PLEKHG1: variants seen among roughly 807,000 people sequenced by gnomAD.
The protein encoded by PLEKHG1 is pleckstrin homology domain-containing family G member 1.
PLEKHG1 carries 44 observed loss-of-function variants against 100.8 expected under a neutral mutation model. The ratio of observed to expected loss-of-function variants is 0.44; its 90% CI spans 0.34 to 0.56. PLEKHG1 has a LOEUF of 0.56. Among genes scored for constraint, PLEKHG1 ranks in the 20% least tolerant of loss-of-function variants. The probability of loss-of-function intolerance (pLI) is 0.01; values close to 1 mark genes in which losing one functional copy is unlikely to be tolerated. For synonymous variants in PLEKHG1, 640 were observed against 662.5 expected (o/e 0.97, Z 0.52); for missense variants, 1,545 against 1,720.9 (o/e 0.90, Z 1.81).
rs576814162 is a variant in PLEKHG1, at chr6:150,609,312, G to A, written c.-204+9295G>A. Among the ~76,000 whole-genome samples, 13 of 152,264 alleles carry A rather than the reference G, an allele frequency of 8.5e-5. No homozygotes were observed. The South Asian group carries it at 1.7e-3, about 19-fold the overall frequency. On this transcript the variant is annotated intron_variant, in intron 1 of 3. Transcript: ENST00000367326. ...AAAATTACACAGGGAAATGGGGTGGGGCATTGTATTTGCTTGGGTGGTCAG... is the reference window on the plus strand; with the variant it reads ...AAAATTACACAGGGAAATGGGGTGGAGCATTGTATTTGCTTGGGTGGTCAG...
At chr6:150,725,097 G>C (rs1454696314) in intron 1 of PLEKHG1, among the ~76,000 whole-genome samples, 1 of 152,218 alleles carries the variant, frequency 6.6e-6, no homozygotes, top group African/African-American at 2.4e-5. Context: ...CACAGTTCCA[G>C]AGAGTGGGAA....
chr6:150,773,801 TTTACA>T (rs1562505962), intron 3 of PLEKHG1, among the ~76,000 whole-genome samples: 3 of 152,336 alleles, frequency 2.0e-5, no homozygotes, highest in South Asian at 4.1e-4. Context: ...AATTGACATC[TTTACA>T]TTACTGTCAT....
chr6:150,839,488 T>C (rs1329642046), intron 15 of PLEKHG1, among the ~76,000 whole-genome samples: 1 of 152,172 alleles, frequency 6.6e-6, no homozygotes, highest in Non-Finnish European at 1.5e-5. Context: ...TTTCTTACTT[T>C]TATGATGCAT....
chr6:150,725,887 A>G (rs1478739721), intron 1 of PLEKHG1, among the ~76,000 whole-genome samples: 3 of 152,080 alleles, frequency 2.0e-5, no homozygotes, highest in East Asian at 3.9e-4. Context: ...TGCATGTGAT[A>G]TAAGAACATG....
chr6:150,615,495 G>A (rs935807089), intron 1 of PLEKHG1, among the ~76,000 whole-genome samples: 3 of 152,060 alleles, frequency 2.0e-5, no homozygotes, highest in African/African-American at 7.2e-5. Flanking sequence ...CTGGCACCTG[G>A]TTTATTTCTC....
chr6:150,667,450 C>A (rs999344737), intron 3 of PLEKHG1, among the ~76,000 whole-genome samples: 14 of 152,130 alleles, frequency 9.2e-5, no homozygotes, highest in African/African-American at 3.4e-4. Context: ...CTTAATATGA[C>A]ACTAAAATGG....
At chr6:150,661,103 T>C (rs1779171597) in intron 3 of PLEKHG1, among the ~76,000 whole-genome samples, 2 of 152,156 alleles carry the variant, frequency 1.3e-5, no homozygotes, top group Admixed American at 1.3e-4. Context: ...ATAGAATGCA[T>C]GGTTCTGTGA....
At chr6:150,804,204 C>G (rs59599487) in intron 6 of PLEKHG1, among the ~76,000 whole-genome samples, 2,958 of 29,342 alleles carry the variant, frequency 0.1, 143 homozygotes, top group East Asian at 0.3. Context: ...TTTTTTTTTT[C>G]GAGGCAGAGT....
chr6:150,615,956 A>G lies in PLEKHG1; in HGVS notation c.-204+15939A>G, dbSNP rs529619340. ...ATATGTTTACTAATTTCATGCTCAC[A>G]AGAACTTTGAATATATGCAGTTATT... On this transcript the variant is annotated intron_variant, in intron 1 of 3. Coordinates refer to the PLEKHG1 transcript ENST00000367326. Among the ~76,000 whole-genome samples the G allele has an allele frequency of 5.9e-5, 9 of 152,324 alleles. No individual in the cohort carries two copies. In the South Asian group the frequency reaches 1.9e-3, roughly 32 times the overall value.
chr6:150,665,678 G>T (rs1333730335), intron 3 of PLEKHG1, among the ~76,000 whole-genome samples: 2 of 144,040 alleles, frequency 1.4e-5, no homozygotes, highest in Admixed American at 1.4e-4. Flanking sequence ...TTAATATGAA[G>T]GCTGAGCAGG....
chr6:150,675,518 G>C (rs1342812749), intron 3 of PLEKHG1, among the ~76,000 whole-genome samples: 1 of 152,224 alleles, frequency 6.6e-6, no homozygotes, highest in East Asian at 1.9e-4. Flanking sequence ...TATATTTGGA[G>C]GGTCTTTTAT....
intron 2 of PLEKHG1, among the ~76,000 whole-genome samples, chr6:150,763,666 G>A (rs1784301733): frequency 6.6e-6 from 1 of 152,164 alleles, no homozygotes; most frequent in African/African-American, 2.4e-5. Context: ...TACCTCACCA[G>A]CCACCTAGGA....
exon 7 of PLEKHG1, chr6:150,804,619 A>G (rs1218962281): frequency 1.9e-6 from 3 of 1,585,520 alleles, no homozygotes; most frequent in South Asian, 2.4e-5. Context: ...GGAAATAGAA[A>G]ACCACCTTGA....
At chr6:150,748,262 C>G (rs2128626889) in intron 2 of PLEKHG1, among the ~76,000 whole-genome samples, 1 of 151,986 alleles carries the variant, frequency 6.6e-6, no homozygotes, top group Non-Finnish European at 1.5e-5. Context: ...GTGTAGATTG[C>G]ATTTCGTTTA....
Position 150,831,590 on chromosome 6 carries a change from G to C in PLEKHG1, c.2479G>C (p.Val827Leu). 1.9e-6 allele frequency: 3 copies of C among 1,614,152 alleles called. No homozygotes were observed. Among genetic ancestry groups the C allele is most frequent in the Non-Finnish European group, 2.5e-6 (3 of 1,180,024 alleles). The stretch of plus-strand genomic sequence containing the variant: ...TAACTTGTCTATGCCTCATAAGCCT[G>C]TATCTGATAAACTGTCCGAAGAAGT... The change falls in exon 15 of 16, where the codon GTA (valine) becomes CTA (leucine). Residue 827 changes from valine (V) to leucine (L), a missense_variant. Physicochemically the swap from Val to Leu is conservative, Grantham distance 32. Coordinates refer to ENST00000358517, the Ensembl canonical transcript of PLEKHG1. The surrounding 1 kb of genome is among the most constrained non-coding windows in gnomAD (Gnocchi z 4.1).
rs553800444 is a variant in PLEKHG1, at chr6:150,735,110, C to A, written c.411+1018C>A. 2.1e-4 allele frequency among the ~76,000 whole-genome samples: 32 copies of A among 151,682 alleles called. 1 individual carries two copies. In the South Asian group the frequency reaches 6.5e-3, roughly 31 times the overall value. ...CAAGCAATTCTCCTGCCTCAGCATC[C>A]TGAGTAGCTGGAATTATAGGCATGC... On this transcript the variant is annotated intron_variant, in intron 2 of 15. Coordinates refer to ENST00000358517, the Ensembl canonical transcript of PLEKHG1.
chr6:150,833,228 T>G (rs909468889), intron 15 of PLEKHG1, among the ~76,000 whole-genome samples: 9 of 151,742 alleles, frequency 5.9e-5, no homozygotes, highest in African/African-American at 2.2e-4. Context: ...TGTGTGTGGT[T>G]TTTTTGTAGA....
chr6:150,840,692 C>A lies in PLEKHG1; in HGVS notation c.3954C>A (p.Gly1318=), dbSNP rs765311413. 1.9e-6 allele frequency: 3 copies of A among 1,614,146 alleles called. No homozygotes were observed. In the Admixed American group the frequency reaches 5.0e-5, roughly 27 times the overall value. The change falls in exon 16 of 16, where the codon GGC becomes GGA. Residue 1318 remains glycine, a synonymous_variant. Coordinates refer to ENST00000358517, the Ensembl canonical transcript of PLEKHG1. ...ACTTTTCTGATAATGTCTGCAGCGG[C>A]AACACATTGCATTCTTTGAATAGTC...
At chr6:150,783,570 G>A (rs1785446192) in intron 3 of PLEKHG1, among the ~76,000 whole-genome samples, 1 of 152,128 alleles carries the variant, frequency 6.6e-6, no homozygotes, top group South Asian at 2.1e-4. Context: ...GGGTTTCACT[G>A]TGTTGGCCGT....
Sources: allele counts gnomAD v4.1 joint callset (sites outside exome capture counted in the v4.1 genomes callset), GRCh38; gene constraint gnomAD v4.1.1; non-coding constraint Gnocchi (gnomAD v3.1); transcripts MANE v1.5; gene names NCBI Gene and HGNC (gene_info 2026-07-23, HGNC 2026-07-21).